Variants in EDARADD observed in about 807,000 individuals in gnomAD.
The protein encoded by EDARADD is EDAR associated via death domain, also known as ectodysplasin-A receptor-associated adapter protein.
A neutral mutation model predicts 25.6 loss-of-function variants in EDARADD; 20 were observed. The observed-to-expected ratio is 0.78, with a 90% CI of 0.55 to 1.14. The LOEUF (loss-of-function observed/expected upper bound fraction) is 1.14, where lower values mean the gene tolerates loss of function less well. Among genes scored for constraint, EDARADD ranks in the 50% most tolerant of loss-of-function variants. The pLI, the probability that EDARADD is intolerant of heterozygous loss-of-function variation, is 0.00. For missense variants in EDARADD, 225 were observed against 270.1 expected (o/e 0.83, Z 1.17); for synonymous variants, 86 against 94.4 (o/e 0.91, Z 0.52).
chr1:236,430,736 T>G (rs1658072525), intron 4 of EDARADD, among the ~76,000 whole-genome samples: 1 of 152,234 alleles, frequency 6.6e-6, no homozygotes, highest in South Asian at 2.1e-4. Context: ...TGAAATGAAC[T>G]TGGCAGTTAG....
chr1:236,417,957 TTTTTC>T (rs1558117349), intron 3 of EDARADD, among the ~76,000 whole-genome samples: 5 of 104,018 alleles, frequency 4.8e-5, no homozygotes, highest in African/African-American at 1.3e-4. Flanking sequence ...TTCTTTTCTT[TTTTTC>T]TTTTTTTTTG....
intron 4 of EDARADD, among the ~76,000 whole-genome samples, chr1:236,434,493 G>C (rs1386902967): frequency 3.3e-5 from 5 of 152,304 alleles, no homozygotes; most frequent in Admixed American, 6.5e-5. Context: ...ACCCGCCTCA[G>C]CCTCCCAAAG....
chr1:236,458,843 G>A (rs543753742), intron 4 of EDARADD, among the ~76,000 whole-genome samples: 90 of 151,952 alleles, frequency 5.9e-4, no homozygotes, highest in African/African-American at 2.1e-3. Flanking sequence ...GGGTTTCACC[G>A]TGTTGGTTAG....
chr1:236,482,164 T>C, intron 5 of EDARADD, 103 bp from the exon 6 acceptor site: 1 of 1,281,176 alleles, frequency 7.8e-7, no homozygotes, highest in Non-Finnish European at 1.1e-6. Context: ...TAGTCTTCCA[T>C]ATGATGCTTT....
intron 4 of EDARADD, among the ~76,000 whole-genome samples, chr1:236,432,669 G>C (rs954567044): frequency 6.6e-5 from 10 of 152,040 alleles, no homozygotes; most frequent in South Asian, 4.1e-4. Context: ...CAGATCACCT[G>C]AGATCAGGAA....
chr1:236,363,237 T>C (rs1667076573), intron 3 of EDARADD, among the ~76,000 whole-genome samples: 1 of 151,484 alleles, frequency 6.6e-6, no homozygotes, highest in Non-Finnish European at 1.5e-5. Flanking sequence ...TTTGTTTGTT[T>C]GTTTTATCAT....
chr1:236,361,253 C>G (rs559755602), intron 3 of EDARADD, among the ~76,000 whole-genome samples: 102 of 152,080 alleles, frequency 6.7e-4, no homozygotes, highest in Non-Finnish European at 1.1e-3. Flanking sequence ...CCTTAAGCAA[C>G]AATGATCTAC....
At chr1:236,435,393 A>T (rs965096726) in intron 4 of EDARADD, among the ~76,000 whole-genome samples, 5 of 152,106 alleles carry the variant, frequency 3.3e-5, no homozygotes, top group Non-Finnish European at 4.4e-5. Flanking sequence ...GAGGGCAGGG[A>T]CTCCTGTGTC....
intron 4 of EDARADD, among the ~76,000 whole-genome samples, chr1:236,436,543 C>T (rs946974677): frequency 1.4e-5 from 2 of 140,892 alleles, no homozygotes; most frequent in Admixed American, 1.6e-4. Context: ...AGGAGAATCA[C>T]TTGAGCCTGG....
At chr1:236,364,585 T>C (rs1290897130) in intron 3 of EDARADD, among the ~76,000 whole-genome samples, 2 of 152,254 alleles carry the variant, frequency 1.3e-5, no homozygotes, top group Non-Finnish European at 2.9e-5. Flanking sequence ...GCAATGTTTT[T>C]AGTTACCAGC....
At chr1:236,421,202 C>G (rs1571924338) in intron 3 of EDARADD, among the ~76,000 whole-genome samples, 1 of 147,116 alleles carries the variant, frequency 6.8e-6, no homozygotes, top group East Asian at 2.0e-4. Context: ...CACTGTGCGT[C>G]ATGCAGGGCC....
At chr1:236,401,535 CA>C (rs1281847862) in intron 1 of EDARADD, among the ~76,000 whole-genome samples, 1 of 152,164 alleles carries the variant, frequency 6.6e-6, no homozygotes, top group African/African-American at 2.4e-5. Context: ...CTGTTGCATA[CA>C]GTACGTGTTT....
chr1:236,484,708 G>C lies in EDARADD; in HGVS notation c.*2059G>C. On this transcript the variant is annotated 3_prime_UTR_variant, in exon 6 of 6. Coordinates refer to ENST00000334232, the MANE Select transcript of EDARADD (RefSeq NM_145861.4). The surrounding 1 kb of genome is among the most constrained non-coding windows in gnomAD (Gnocchi z 4.1). Reference sequence around the variant, plus strand: ...GGAGACAGAGTGAGAGTCCGTCCCAGAAAAAAAAAAAAAAAAAAAGAACTT... The same window carrying C: ...GGAGACAGAGTGAGAGTCCGTCCCACAAAAAAAAAAAAAAAAAAAGAACTT... 3 of 148,424 alleles carry C rather than the reference G, an allele frequency of 2.0e-5. No individual in the cohort carries two copies. Among genetic ancestry groups the C allele is most frequent in the Non-Finnish European group, 2.6e-5 (2 of 75,808 alleles). 9.2% of individuals were successfully genotyped at this position (148,424 alleles called of 1,614,324 possible). A position where few individuals can be genotyped will look rare whatever the true frequency, so the allele number is the denominator to read the frequency against.
At position 236,483,479 on chromosome 1, in the gene EDARADD, A is replaced by G. The variant is rs879057656; in HGVS notation, c.*830A>G. 6 of 1,026,522 alleles carry G rather than the reference A, an allele frequency of 5.8e-6. No homozygotes were observed. Among genetic ancestry groups the G allele is most frequent in the South Asian group, 1.3e-5 (1 of 79,170 alleles). The allele number at this position is 1,026,522 out of a possible 1,614,324, so 63.6% of individuals were successfully genotyped here. On this transcript the variant is annotated 3_prime_UTR_variant, in exon 6 of 6. Coordinates refer to ENST00000334232, the MANE Select transcript of EDARADD (RefSeq NM_145861.4). The stretch of plus-strand genomic sequence containing the variant: ...TGGATGGAACAGAAAATAAATCTAA[A>G]TTTGGTGCAAATGCCATTCTGGGAG...
intron 3 of EDARADD, among the ~76,000 whole-genome samples, chr1:236,370,811 A>G (rs1221161386): frequency 6.6e-6 from 1 of 152,186 alleles, no homozygotes; most frequent in Non-Finnish European, 1.5e-5. Flanking sequence ...TGACTCCTAA[A>G]CCATAATTTA....
intron 4 of EDARADD, among the ~76,000 whole-genome samples, chr1:236,461,650 G>A (rs113995598): frequency 1.4e-3 from 217 of 152,286 alleles, no homozygotes; most frequent in African/African-American, 5.1e-3. Flanking sequence ...AGCGTGGGGA[G>A]CGTTTCTTCT....
At chr1:236,381,532 C>T (rs2102996102) in intron 3 of EDARADD, among the ~76,000 whole-genome samples, 1 of 151,872 alleles carries the variant, frequency 6.6e-6, no homozygotes, top group East Asian at 1.9e-4. Context: ...CCATATCTCC[C>T]TTCTAGGCTT....
intron 4 of EDARADD, among the ~76,000 whole-genome samples, chr1:236,462,100 G>A (rs922049002): frequency 1.1e-4 from 17 of 152,284 alleles, no homozygotes; most frequent in African/African-American, 3.4e-4. Context: ...AAAAAGCACC[G>A]TGCCAAGAGT....
chr1:236,377,496 T>C (rs1304227588), intron 3 of EDARADD, among the ~76,000 whole-genome samples: 1 of 149,888 alleles, frequency 6.7e-6, no homozygotes, highest in Non-Finnish European at 1.5e-5. Context: ...TAAATTCCCA[T>C]TCTGATAATT....
Sources: gnomAD v4.1 joint callset for allele counts (sites outside exome capture counted in the v4.1 genomes callset) on GRCh38, gnomAD v4.1.1 for gene constraint, Gnocchi (gnomAD v3.1) non-coding constraint, MANE v1.5 for transcripts, NCBI Gene and HGNC (gene_info 2026-07-23, HGNC 2026-07-21) for gene names.